MYBL1: variants seen among roughly 807,000 people sequenced by gnomAD.
MYBL1 encodes the protein myb-related protein A.
Under a neutral mutation model 96.3 loss-of-function variants are expected in MYBL1, and 17 were observed. The ratio of observed to expected loss-of-function variants is 0.18; its 90% CI spans 0.12 to 0.26. MYBL1 has a LOEUF of 0.26. Among genes scored for constraint, MYBL1 ranks in the 10% least tolerant of loss-of-function variants. MYBL1 has a pLI of 1.00. For synonymous variants in MYBL1, 282 were observed against 292.7 expected (o/e 0.96, Z 0.37); for missense variants, 701 against 882.9 (o/e 0.79, Z 2.61).
In MYBL1 at chr8:66,583,474, A is replaced by C. The variant is rs568810955; in HGVS notation, c.868-3108T>G. Among the ~76,000 whole-genome samples, 4 of 152,256 alleles carry C rather than the reference A, an allele frequency of 2.6e-5. No individual in the cohort carries two copies. The East Asian group carries it at 7.7e-4, about 29-fold the overall frequency. ...CAGAGGAAAATAAATAATAAAAATC[A>C]AAGCAGAAATAAACAAAACTGAGAC... On this transcript the variant is annotated intron_variant, in intron 8 of 15. Transcript: ENST00000522677.
chr8:66,607,006 T>C (rs1810341336), intron 1 of MYBL1, among the ~76,000 whole-genome samples: 1 of 152,166 alleles, frequency 6.6e-6, no homozygotes, highest in Non-Finnish European at 1.5e-5. Context: ...TTAGCCAGGC[T>C]GGTCTCGAAC....
rs1282484024 is a variant in MYBL1 at position 66,607,702 on chromosome 8, A to C, written c.20+5117T>G. Among the ~76,000 whole-genome samples, 408 of 151,352 alleles carry C rather than the reference A, an allele frequency of 2.7e-3. 3 individuals carry two copies. Among genetic ancestry groups the C allele is most frequent in the African/African-American group, 9.3e-3 (385 of 41,388 alleles). On this transcript the variant is annotated intron_variant, in intron 1 of 15. Transcript: ENST00000522677. ...GTTAAAGAAGACTTTCAAAACCCAAAAAAAAAAAAAAACACCTCCAAGTGG... is the reference window on the plus strand; with the variant it reads ...GTTAAAGAAGACTTTCAAAACCCAACAAAAAAAAAAAACACCTCCAAGTGG...
rs942391030 is a variant in MYBL1, at chr8:66,571,599, C to T, written c.1728+883G>A. 3.9e-5 allele frequency among the ~76,000 whole-genome samples: 6 copies of T among 152,108 alleles called. No homozygotes were observed. The South Asian group carries it at 6.2e-4, about 16-fold the overall frequency. On this transcript the variant is annotated intron_variant, in intron 12 of 15. Coordinates refer to ENST00000522677, the MANE Select transcript of MYBL1 (RefSeq NM_001080416.4). ...TATTTCAGTATTAAGAAAAGTGTTC[C>T]GACAGGGCGCAGTGGCTCACTCCTG...
intron 9 of MYBL1, 143 bp from the exon 10 acceptor site, chr8:66,576,518 A>C (rs1808955931): frequency 2.4e-6 from 2 of 847,596 alleles, no homozygotes; most frequent in Non-Finnish European, 3.6e-6. Flanking sequence ...TTTTTTAAGC[A>C]AGACCATTTA....
At chr8:66,591,399 T>C (rs1442621860) in intron 8 of MYBL1, among the ~76,000 whole-genome samples, 1 of 151,988 alleles carries the variant, frequency 6.6e-6, no homozygotes, top group Non-Finnish European at 1.5e-5. Context: ...GTTATTTAAA[T>C]ATAAACTTGT....
chr8:66,576,010 T>C lies in MYBL1; in HGVS notation c.1467A>G (p.Ser489=), dbSNP rs201130669. The C allele has an allele frequency of 1.3e-5, 21 of 1,610,390 alleles. No homozygotes were observed. In the African/African-American group the frequency reaches 2.5e-4, roughly 19 times the overall value. Residue 489 remains serine (S), a synonymous_variant, in exon 10 of 16, where the codon TCA becomes TCG. Transcript: ENST00000522677. ...TPLKTLPFSP[S]QFFNTCPGNE... is the part of the protein sequence containing the mutation. The stretch of plus-strand genomic sequence containing the variant: ...TAAACAAAATGAACACCACTACCTG[T>C]GAAGGAGAAAATGGTAGTGTTTTCA...
chr8:66,576,530 G>A (rs1450673304), intron 9 of MYBL1, among the ~76,000 whole-genome samples, 155 bp from the exon 10 acceptor site: 1 of 151,950 alleles, frequency 6.6e-6, no homozygotes, highest in Non-Finnish European at 1.5e-5. Context: ...GACCATTTAA[G>A]AGGAACAGAT....
chr8:66,574,563 T>A (rs576656340), intron 10 of MYBL1, among the ~76,000 whole-genome samples: 28 of 152,302 alleles, frequency 1.8e-4, no homozygotes, highest in Non-Finnish European at 3.8e-4. Flanking sequence ...ATACCTCCAA[T>A]AATATCCCAG....
chr8:66,600,631 ACAAT>A lies in MYBL1; in HGVS notation c.198+1063_198+1066del, dbSNP rs562708142. 7.1e-4 allele frequency among the ~76,000 whole-genome samples: 108 copies of A among 152,342 alleles called. 2 individuals are homozygous for A. The South Asian group carries it at 0.022, about 31-fold the overall frequency. ...CTAGACATTATAGATAAGGAAGGTG[ACAAT>A]CAAAGAGGCTAAGTAATTTTTCCAC... On this transcript the variant is annotated intron_variant, in intron 3 of 15. Transcript: ENST00000522677.
At chr8:66,572,416 TAAA>T in intron 12 of MYBL1, 63 bp downstream of exon 12, 3 of 720,672 alleles carry the variant, frequency 4.2e-6, no homozygotes, top group Admixed American at 2.8e-5. Flanking sequence ...ATCAAAGTGA[TAAA>T]AATCATAATT....
rs770969289 is a variant in MYBL1, at chr8:66,580,374, T to A, written c.868-8A>T. On this transcript the variant is annotated splice_region_variant and splice_polypyrimidine_tract_variant and intron_variant, in intron 8 of 15. Transcript: ENST00000522677. ...AGAAAAACTTCCAGGCTGCTAAAGG[T>A]ACAAAAGAAATTTGAATATTATTTG... 3.9e-6 allele frequency: 6 copies of A among 1,556,718 alleles called. No individual in the cohort carries two copies. The Admixed American group carries it at 1.0e-4, about 27-fold the overall frequency.
At chr8:66,606,346 C>T (rs373741214) in intron 1 of MYBL1, among the ~76,000 whole-genome samples, 6 of 152,118 alleles carry the variant, frequency 3.9e-5, no homozygotes. Context: ...ATTAGTATTA[C>T]GTGCATAGGC....
Position 66,572,470 on chromosome 8 carries a change from G to T in MYBL1, c.1728+12C>A. 1 of 1,298,744 alleles carries T rather than the reference G, an allele frequency of 7.7e-7. No homozygotes were observed. Among genetic ancestry groups the T allele is most frequent in the Non-Finnish European group, 1.1e-6 (1 of 928,162 alleles). The allele number at this position is 1,298,744 out of a possible 1,614,324, so 80.5% of individuals were successfully genotyped here. On this transcript the variant is annotated intron_variant, in intron 12 of 15. Transcript: ENST00000522677. ...TTAGGAAAATTATTAAAAATAAAAT[G>T]AATATACATACCACAATTTTAAGAG...
chr8:66,579,860 T>C (rs950202299), intron 9 of MYBL1, among the ~76,000 whole-genome samples: 3 of 152,180 alleles, frequency 2.0e-5, no homozygotes, highest in Admixed American at 6.5e-5. Flanking sequence ...TTCTTTTTTA[T>C]AGTTTTCTCT....
At chr8:66,574,485 A>C (rs910019907) in intron 10 of MYBL1, among the ~76,000 whole-genome samples, 1 of 152,176 alleles carries the variant, frequency 6.6e-6, no homozygotes, top group Non-Finnish European at 1.5e-5. Flanking sequence ...CATCCCCTGA[A>C]GCATGGGTGC....
intron 11 of MYBL1, 99 bp from the exon 12 acceptor site, chr8:66,572,695 C>CAT (rs1029559392): frequency 9.9e-6 from 5 of 505,050 alleles, no homozygotes; most frequent in East Asian, 6.0e-5. Flanking sequence ...TTTTCTTACA[C>CAT]ATATATATAT....
At chr8:66,600,684 A>G (rs1810032747) in intron 3 of MYBL1, among the ~76,000 whole-genome samples, 1 of 152,230 alleles carries the variant, frequency 6.6e-6, no homozygotes, top group Non-Finnish European at 1.5e-5. Context: ...ACATTTGAAC[A>G]TAATTCAAAC....
intron 9 of MYBL1, among the ~76,000 whole-genome samples, chr8:66,579,743 C>T (rs1809123887): frequency 6.6e-6 from 1 of 151,018 alleles, no homozygotes; most frequent in Non-Finnish European, 1.5e-5. Flanking sequence ...AAATATAATA[C>T]AGAAGTGTAT....
At chr8:66,600,530 A>G (rs1006645278) in intron 3 of MYBL1, among the ~76,000 whole-genome samples, 2 of 152,222 alleles carry the variant, frequency 1.3e-5, no homozygotes, top group Non-Finnish European at 2.9e-5. Flanking sequence ...CCTGCTAAAT[A>G]TTAAGAATTG....
Sources: allele counts gnomAD v4.1 joint callset (sites outside exome capture counted in the v4.1 genomes callset), GRCh38; gene constraint gnomAD v4.1.1; transcripts MANE v1.5; gene names NCBI Gene and HGNC (gene_info 2026-07-23, HGNC 2026-07-21).